ABLIM1: variants seen among roughly 807,000 people sequenced by gnomAD.
The protein encoded by ABLIM1 is actin-binding LIM protein 1.
A neutral mutation model predicts 107.0 loss-of-function variants in ABLIM1; 40 were observed. The ratio of observed to expected loss-of-function variants is 0.37; its 90% confidence interval spans 0.29 to 0.49. The LOEUF is 0.49. ABLIM1 is among the 20% of genes least tolerant of loss of function. The probability of loss-of-function intolerance (pLI) is 0.97; values close to 1 mark genes in which losing one functional copy is unlikely to be tolerated. For missense variants in ABLIM1, 857 were observed against 1,008.5 expected (o/e 0.85, Z 2.04); for synonymous variants, 357 against 357.3 (o/e 1.00, Z 0.01).
intron 16 of ABLIM1, 144 bp from the exon 17 acceptor site, chr10:114,444,278 TA>T: frequency 1.5e-6 from 1 of 675,160 alleles, no homozygotes; most frequent in Non-Finnish European, 2.4e-6. Context: ...CAGAGCCTGG[TA>T]GTTCCTGAAG....
intron 1 of ABLIM1, among the ~76,000 whole-genome samples, chr10:114,671,619 C>G (rs536317487): frequency 6.6e-6 from 1 of 152,284 alleles, no homozygotes; most frequent in South Asian, 2.1e-4. Context: ...ACATCCTTGA[C>G]GATACTTAGT....
At chr10:114,795,912 CT>C in the ABLIM1 span, among the ~76,000 whole-genome samples, 1 of 152,082 alleles carries the variant, frequency 6.6e-6, no homozygotes, top group East Asian at 1.9e-4. Context: ...AAAGCATGTC[CT>C]TGTTTTTATT....
intron 10 of ABLIM1, among the ~76,000 whole-genome samples, chr10:114,472,279 G>A (rs2066739473): frequency 6.6e-6 from 1 of 151,968 alleles, no homozygotes; most frequent in African/African-American, 2.4e-5. Context: ...ATATATAGAT[G>A]AGGTCTCAAC....
chr10:114,643,791 G>C (rs1441821514), intron 1 of ABLIM1, among the ~76,000 whole-genome samples: 1 of 151,754 alleles, frequency 6.6e-6, no homozygotes, highest in Admixed American at 6.6e-5. Flanking sequence ...GCCCAGGCTA[G>C]GTTTAAACTT....
intron 8 of ABLIM1, among the ~76,000 whole-genome samples, chr10:114,486,394 G>C (rs2058189336): frequency 6.6e-6 from 1 of 152,138 alleles, no homozygotes; most frequent in Admixed American, 6.5e-5. Flanking sequence ...AACTACTATA[G>C]CTACTGGGGT....
intron 1 of ABLIM1, among the ~76,000 whole-genome samples, chr10:114,683,759 G>C (rs1344744986): frequency 9.9e-5 from 15 of 152,148 alleles, no homozygotes; most frequent in Non-Finnish European, 2.1e-4. Flanking sequence ...AGACTGCGTG[G>C]GGCCACCCTC....
intron 6 of ABLIM1, among the ~76,000 whole-genome samples, chr10:114,509,534 T>C (rs1479883257): frequency 6.6e-6 from 1 of 152,188 alleles, no homozygotes; most frequent in African/African-American, 2.4e-5. Flanking sequence ...CCCAAAGATG[T>C]GCATTCTGAA....
intron 19 of ABLIM1, among the ~76,000 whole-genome samples, chr10:114,440,463 T>A (rs74898929): frequency 4.0e-5 from 6 of 151,280 alleles, no homozygotes; most frequent in Admixed American, 2.6e-4. Context: ...TTTTTTTTTT[T>A]AAGAGACAGT....
In ABLIM1 at chr10:114,534,636, C is replaced by T. The variant is rs962662565; in HGVS notation, c.894+10369G>A. 5.9e-5 allele frequency among the ~76,000 whole-genome samples: 9 copies of T among 152,028 alleles called. No individual in the cohort carries two copies. In the East Asian group the frequency reaches 1.7e-3, roughly 29 times the overall value. On this transcript the variant is annotated intron_variant, in intron 6 of 22. Coordinates refer to ENST00000533213, the MANE Select transcript of ABLIM1 (RefSeq NM_002313.7). ...TTTTATTTTGTGACCCACCCGCCGC[C>T]GCCACCCCGCCGCATGTGGGGCTCC... is the stretch of plus-strand genomic sequence containing the variant.
intron 1 of ABLIM1, among the ~76,000 whole-genome samples, chr10:114,762,966 C>T (rs960119055): frequency 2.0e-5 from 3 of 152,166 alleles, no homozygotes; most frequent in Non-Finnish European, 4.4e-5. Flanking sequence ...CCGAAAACAA[C>T]GTTAGCAAAA....
intron 1 of ABLIM1, among the ~76,000 whole-genome samples, chr10:114,643,498 C>A (rs575864003): frequency 6.6e-6 from 1 of 151,858 alleles, no homozygotes; most frequent in Non-Finnish European, 1.5e-5. Flanking sequence ...CAAAGGGTAT[C>A]ATAAGGCAAA....
At chr10:114,775,181 T>C in the ABLIM1 span, among the ~76,000 whole-genome samples, 13 of 152,218 alleles carry the variant, frequency 8.5e-5, no homozygotes, top group African/African-American at 2.6e-4. Context: ...GAGAACTCAC[T>C]ATCACATGAA....
chr10:114,673,053 T>A, intron 1 of ABLIM1, among the ~76,000 whole-genome samples: 1 of 151,504 alleles, frequency 6.6e-6, no homozygotes, highest in African/African-American at 2.4e-5. Flanking sequence ...AGGTCAGGAG[T>A]TCCAGACCAG....
At chr10:114,476,500 TG>T (rs2056430637) in intron 8 of ABLIM1, among the ~76,000 whole-genome samples, 1 of 151,752 alleles carries the variant, frequency 6.6e-6, no homozygotes, top group African/African-American at 2.4e-5. Context: ...TAAAATTAAC[TG>T]GGTGTGGTGG....
chr10:114,495,681 T>C (rs1037384390), intron 6 of ABLIM1, among the ~76,000 whole-genome samples: 7 of 152,196 alleles, frequency 4.6e-5, no homozygotes, highest in Non-Finnish European at 1.0e-4. Context: ...CTGTGATTAT[T>C]CTGTGTCAAT....
In ABLIM1 at chr10:114,439,213, T is replaced by C. The variant is rs768916518; in HGVS notation, c.2105A>G (p.Asp702Gly). 6.2e-7 allele frequency: 1 copy of C among 1,614,214 alleles called. No individual in the cohort carries two copies. Among genetic ancestry groups the C allele is most frequent in the Non-Finnish European group, 8.5e-7 (1 of 1,180,032 alleles). The change falls in exon 21 of 23, where the codon GAC becomes GGC. Residue 702 changes from aspartate to glycine, a missense_variant. Coordinates refer to ENST00000533213, the MANE Select transcript of ABLIM1 (RefSeq NM_002313.7). ...PDGHMPAMRMDRGVSMPNMLE... is the reference protein window; with the variant it reads ...PDGHMPAMRMGRGVSMPNMLE... ...CATGTTGGGCATAGACACTCCTCGG[T>C]CCATTCTCATTGCAGGCATGTGGCC...
intron 6 of ABLIM1, among the ~76,000 whole-genome samples, chr10:114,505,464 A>G (rs2060995937): frequency 6.6e-6 from 1 of 152,236 alleles, no homozygotes; most frequent in African/African-American, 2.4e-5. Flanking sequence ...CTCCCATGCC[A>G]GCTGCTCTGA....
chr10:114,511,051 TC>T (rs974564761), intron 6 of ABLIM1, among the ~76,000 whole-genome samples: 6 of 152,076 alleles, frequency 3.9e-5, no homozygotes, highest in African/African-American at 1.5e-4. Flanking sequence ...CTTATCAATA[TC>T]TTTGAAGTCT....
In ABLIM1 at chr10:114,742,243, T is replaced by C. The variant is rs191732568; in HGVS notation, c.-213+25818A>G. The stretch of plus-strand genomic sequence containing the variant: ...ATTATAAAATAAAGGCTCCATTAAG[T>C]ATCCCTTGAAAGACCCTGGATATTT... On this transcript the variant is annotated intron_variant, in intron 1 of 15. Coordinates refer to the ABLIM1 transcript ENST00000651092. Among the ~76,000 whole-genome samples, 10 of 152,312 alleles carry C rather than the reference T, an allele frequency of 6.6e-5. No homozygotes were observed. The East Asian group carries it at 1.9e-3, about 29-fold the overall frequency.
Sources: gnomAD v4.1 joint callset for allele counts (sites outside exome capture counted in the v4.1 genomes callset) on GRCh38, gnomAD v4.1.1 for gene constraint, MANE v1.5 for transcripts, NCBI Gene and HGNC (gene_info 2026-07-23, HGNC 2026-07-21) for gene names.